CDC42BPB: variants seen among roughly 807,000 people sequenced by gnomAD.
The protein encoded by CDC42BPB is CDC42 binding protein kinase beta.
CDC42BPB carries 37 observed loss-of-function variants against 214.9 expected under a neutral mutation model. The ratio of observed to expected loss-of-function variants is 0.17; its 90% confidence interval spans 0.13 to 0.23. The LOEUF is 0.23. Ranked by LOEUF, CDC42BPB falls within the 10% of genes least tolerant of loss-of-function variation. The pLI is 1.00. For synonymous variants in CDC42BPB, 931 were observed against 884.0 expected (o/e 1.05, Z -0.94); for missense variants, 1,694 against 2,227.0 (o/e 0.76, Z 4.82).
chr14:103,046,283 A>T (rs950511448), intron 1 of CDC42BPB, among the ~76,000 whole-genome samples: 3 of 152,052 alleles, frequency 2.0e-5, no homozygotes, highest in Non-Finnish European at 4.4e-5. Flanking sequence ...AAAATAAAGA[A>T]TTCTATCACT....
chr14:102,986,835 T>A, intron 5 of CDC42BPB: 2 of 557,906 alleles, frequency 3.6e-6, no homozygotes, highest in Non-Finnish European at 4.6e-6. Context: ...CCCACCCAGC[T>A]AACGAGCCCC....
At chr14:103,003,804 T>A in intron 4 of CDC42BPB, 124 bp downstream of exon 4, 1 of 650,112 alleles carries the variant, frequency 1.5e-6, no homozygotes, top group Non-Finnish European at 2.5e-6. Flanking sequence ...CCCGCCGTTT[T>A]ATCGAGTCCA....
intron 19 of CDC42BPB, 84 bp downstream of exon 19, chr14:102,964,418 G>GC (rs1433246075): frequency 1.3e-6 from 2 of 1,501,792 alleles, no homozygotes; most frequent in Non-Finnish European, 1.8e-6. Context: ...CAGGCGAGGA[G>GC]CATCGGAGCC....
At chr14:102,933,957 C>T in intron 36 of CDC42BPB, 114 bp from the exon 37 acceptor site, 1 of 1,417,586 alleles carries the variant, frequency 7.1e-7, no homozygotes, top group Non-Finnish European at 9.1e-7. Context: ...TGCTCTTCTC[C>T]CTTCATGTTA....
In CDC42BPB at chr14:103,008,286, T is replaced by C. The variant is rs35540138; in HGVS notation, c.351+186A>G. Among the ~76,000 whole-genome samples, 78 of 152,324 alleles carry C rather than the reference T, an allele frequency of 5.1e-4. 1 individual carries two copies. In the East Asian group the frequency reaches 0.01, roughly 20 times the overall value. ...CAGTGTCCAGCAAGCAAGTGGTCGC[T>C]GAGGCGGGGAGCAGCAGGCGCCAGG... On this transcript the variant is annotated intron_variant, in intron 3 of 36. Coordinates refer to ENST00000361246, the MANE Select transcript of CDC42BPB (RefSeq NM_006035.4).
chr14:103,039,518 C>T (rs529909963), intron 1 of CDC42BPB, among the ~76,000 whole-genome samples: 3 of 152,192 alleles, frequency 2.0e-5, no homozygotes, highest in South Asian at 2.1e-4. Context: ...CAGAAGAAAA[C>T]GAGCCACACA....
chr14:103,027,682 A>G (rs1463178494), intron 1 of CDC42BPB, among the ~76,000 whole-genome samples: 1 of 152,238 alleles, frequency 6.6e-6, no homozygotes, highest in African/African-American at 2.4e-5. Context: ...CATAGAGACA[A>G]AAAGTATATT....
At chr14:103,030,006 CA>C (rs1474262361) in intron 1 of CDC42BPB, among the ~76,000 whole-genome samples, 9 of 152,224 alleles carry the variant, frequency 5.9e-5, no homozygotes, top group African/African-American at 1.7e-4. Context: ...GCTCTCCAGC[CA>C]GCAACTCCAA....
In CDC42BPB at chr14:103,057,424, A is replaced by G. The variant is rs963173032; in HGVS notation, c.-251T>C. On this transcript the variant is annotated 5_prime_UTR_variant, in exon 1 of 37. Coordinates refer to ENST00000361246, the MANE Select transcript of CDC42BPB (RefSeq NM_006035.4). ...CTCCCCTCGGCGCCGCCGCCCTCCC[A>G]GCTCGGGCGGCCCGCCCCCGCCGCC... 213 of 642,466 alleles carry G rather than the reference A, an allele frequency of 3.3e-4. No homozygotes were observed. The highest frequency in any genetic ancestry group is 4.0e-4 in the Non-Finnish European group (208 of 519,716). The allele number at this position is 642,466 out of a possible 1,614,324, so 39.8% of individuals were successfully genotyped here. A position where few individuals can be genotyped will look rare whatever the true frequency, so the allele number is the denominator to read the frequency against.
chr14:102,945,735 G>T lies in CDC42BPB; in HGVS notation c.3749-11C>A. 6.2e-7 allele frequency: 1 copy of T among 1,612,114 alleles called. No individual in the cohort carries two copies. On this transcript the variant is annotated splice_polypyrimidine_tract_variant and intron_variant, in intron 28 of 36. Coordinates refer to ENST00000361246, the MANE Select transcript of CDC42BPB (RefSeq NM_006035.4). ...CAATCCTGTCTGCATCTGTGGAGGG[G>T]TAAGTAACATACACAAAGTCAGTAC...
intron 11 of CDC42BPB, among the ~76,000 whole-genome samples, chr14:102,974,654 G>A (rs1161473026): frequency 6.6e-6 from 1 of 152,232 alleles, no homozygotes; most frequent in Non-Finnish European, 1.5e-5. Flanking sequence ...GTGAGGTTAA[G>A]GCTTAAAAGT....
chr14:102,970,128 C>A, intron 14 of CDC42BPB, 23 bp downstream of exon 14: 1 of 1,582,258 alleles, frequency 6.3e-7, no homozygotes, highest in Non-Finnish European at 8.7e-7. Context: ...CAGTTAAGGG[C>A]AGAGACCCCC....
intron 11 of CDC42BPB, 136 bp from the exon 12 acceptor site, chr14:102,974,285 C>CACAA: frequency 1.2e-6 from 1 of 812,488 alleles, no homozygotes; most frequent in South Asian, 2.4e-5. Context: ...TTTACTTACA[C>CACAA]ACACACACAC....
intron 5 of CDC42BPB, among the ~76,000 whole-genome samples, chr14:102,998,190 A>G (rs1360896871): frequency 6.6e-6 from 1 of 152,222 alleles, no homozygotes; most frequent in Non-Finnish European, 1.5e-5. Context: ...GTTTGGAAGT[A>G]TATGTGAGAG....
At chr14:102,945,917 T>G (rs1337211685) in intron 28 of CDC42BPB, among the ~76,000 whole-genome samples, 193 bp from the exon 29 acceptor site, 1 of 152,226 alleles carries the variant, frequency 6.6e-6, no homozygotes, top group Non-Finnish European at 1.5e-5. Context: ...GCCGGCTGAC[T>G]GTGGGATTGA....
intron 1 of CDC42BPB, among the ~76,000 whole-genome samples, chr14:103,028,981 C>T (rs868460306): frequency 6.6e-6 from 1 of 152,196 alleles, no homozygotes; most frequent in East Asian, 1.9e-4. Context: ...TAACAACTGT[C>T]CAGAGCCAAG....
chr14:103,006,803 G>C (rs1885853245), intron 3 of CDC42BPB, among the ~76,000 whole-genome samples: 1 of 152,134 alleles, frequency 6.6e-6, no homozygotes, highest in South Asian at 2.1e-4. Context: ...TTCTGAGCAT[G>C]CCAATTAAAC....
At chr14:102,953,588 G>A (rs922516105) in intron 23 of CDC42BPB, among the ~76,000 whole-genome samples, 5 of 152,200 alleles carry the variant, frequency 3.3e-5, no homozygotes, top group Admixed American at 1.3e-4. Context: ...CTACGTACTC[G>A]CAATGCTTGG....
intron 5 of CDC42BPB, among the ~76,000 whole-genome samples, chr14:102,992,851 G>C (rs979724986): frequency 6.7e-6 from 1 of 150,352 alleles, no homozygotes; most frequent in Non-Finnish European, 1.5e-5. Flanking sequence ...TTTTGAGACA[G>C]AGTCTCACTC....
Sources: allele counts gnomAD v4.1 joint callset (sites outside exome capture counted in the v4.1 genomes callset), GRCh38; gene constraint gnomAD v4.1.1; transcripts MANE v1.5; gene names NCBI Gene and HGNC (gene_info 2026-07-23, HGNC 2026-07-21).